The following PAK5 variants were observed in gnomAD, a reference collection of about 807,000 sequenced individuals.
PAK5 encodes p21 (RAC1) activated kinase 5, also known as serine/threonine-protein kinase PAK 5.
Under a neutral mutation model 65.9 loss-of-function variants are expected in PAK5, and 16 were observed. The observed-to-expected ratio is 0.24, with a 90% CI of 0.16 to 0.37. PAK5 has a LOEUF of 0.37. PAK5 is among the 10% of genes least tolerant of loss of function. The pLI, the probability that PAK5 is intolerant of heterozygous loss-of-function variation, is 1.00. For missense variants in PAK5, 785 were observed against 903.9 expected (o/e 0.87, Z 1.69); for synonymous variants, 371 against 354.9 (o/e 1.05, Z -0.51).
chr20:9,790,797 T>C (rs2049042521), intron 1 of PAK5, among the ~76,000 whole-genome samples: 1 of 152,064 alleles, frequency 6.6e-6, no homozygotes, highest in Admixed American at 6.6e-5. Flanking sequence ...CTGCACCCAG[T>C]TGAATTTGGT....
At chr20:9,749,293 A>G (rs1463928366) in intron 1 of PAK5, among the ~76,000 whole-genome samples, 4 of 152,160 alleles carry the variant, frequency 2.6e-5, no homozygotes, top group Non-Finnish European at 5.9e-5. Context: ...TCAGATAAAA[A>G]TATAACCTTC....
At chr20:9,721,428 A>G (rs2048211942) in intron 1 of PAK5, among the ~76,000 whole-genome samples, 1 of 151,996 alleles carries the variant, frequency 6.6e-6, no homozygotes. Context: ...TGGGCGGATC[A>G]GCTGAGGTCA....
intron 1 of PAK5, among the ~76,000 whole-genome samples, chr20:9,770,172 C>A (rs1022610809): frequency 2.0e-5 from 3 of 151,992 alleles, no homozygotes; most frequent in African/African-American, 7.3e-5. Flanking sequence ...CGGTCGACTT[C>A]CTAAGAGGAG....
chr20:9,815,599 G>T (rs187794227), intron 1 of PAK5, among the ~76,000 whole-genome samples: 1 of 152,084 alleles, frequency 6.6e-6, no homozygotes, highest in Admixed American at 6.6e-5. Context: ...TGGTCCCGTC[G>T]GTTATAATTC....
chr20:9,686,309 T>C (rs117721990), intron 2 of PAK5, among the ~76,000 whole-genome samples: 4 of 152,310 alleles, frequency 2.6e-5, no homozygotes, highest in East Asian at 1.9e-4. Flanking sequence ...GTTCAGTCAC[T>C]GGGAGGCACA....
chr20:9,752,083 A>G (rs2048583532), intron 1 of PAK5, among the ~76,000 whole-genome samples: 1 of 152,196 alleles, frequency 6.6e-6, no homozygotes, highest in Non-Finnish European at 1.5e-5. Flanking sequence ...TGAAGGAAGT[A>G]CACAAAGCTA....
chr20:9,695,621 AC>A (rs562210122), intron 2 of PAK5, among the ~76,000 whole-genome samples: 17 of 152,142 alleles, frequency 1.1e-4, no homozygotes, highest in Admixed American at 9.2e-4. Context: ...GGAGAAACTG[AC>A]CCAACAGCCA....
At chr20:9,593,024 G>T (rs1349689901) in intron 3 of PAK5, among the ~76,000 whole-genome samples, 1 of 152,162 alleles carries the variant, frequency 6.6e-6, no homozygotes, top group African/African-American at 2.4e-5. Flanking sequence ...GCAGGGCTGG[G>T]CACGGTGGCT....
intron 3 of PAK5, among the ~76,000 whole-genome samples, chr20:9,621,479 T>C (rs985631003): frequency 1.3e-5 from 2 of 150,868 alleles, no homozygotes; most frequent in Admixed American, 1.3e-4. Flanking sequence ...AAAAAGTCTC[T>C]TACATATTTC....
intron 1 of PAK5, among the ~76,000 whole-genome samples, chr20:9,715,463 G>A (rs369677067): frequency 2.0e-5 from 3 of 152,144 alleles, no homozygotes; most frequent in African/African-American, 4.8e-5. Context: ...GTAAACTAGT[G>A]CAACCATTGT....
At chr20:9,693,313 G>C (rs1002753147) in intron 2 of PAK5, among the ~76,000 whole-genome samples, 1 of 152,086 alleles carries the variant, frequency 6.6e-6, no homozygotes, top group African/African-American at 2.4e-5. Context: ...AAATGGCTTT[G>C]GCTTTTTATT....
chr20:9,733,323 T>C (rs1465374275), intron 1 of PAK5, among the ~76,000 whole-genome samples: 3 of 152,154 alleles, frequency 2.0e-5, no homozygotes, highest in Admixed American at 6.5e-5. Flanking sequence ...TATGTATACA[T>C]TGTGAATTAA....
intron 1 of PAK5, among the ~76,000 whole-genome samples, chr20:9,770,511 C>T (rs1749674840): frequency 6.6e-6 from 1 of 152,086 alleles, no homozygotes; most frequent in African/African-American, 2.4e-5. Flanking sequence ...AACGAGCCAG[C>T]ACAATGGTGT....
intron 3 of PAK5, among the ~76,000 whole-genome samples, chr20:9,604,124 T>C (rs1347195735): frequency 6.6e-6 from 1 of 152,156 alleles, no homozygotes; most frequent in East Asian, 1.9e-4. Context: ...TGAATGTGTG[T>C]TCCAAGCTAG....
At chr20:9,597,838 C>A (rs115982713) in intron 3 of PAK5, among the ~76,000 whole-genome samples, 110 of 152,316 alleles carry the variant, frequency 7.2e-4, no homozygotes, top group African/African-American at 2.2e-3. Context: ...GCTAGGCCAG[C>A]CAGCCTCTAG....
intron 2 of PAK5, among the ~76,000 whole-genome samples, chr20:9,657,394 T>A (rs1160609118): frequency 6.6e-6 from 1 of 152,142 alleles, no homozygotes; most frequent in African/African-American, 2.4e-5. Flanking sequence ...AACCACTCAC[T>A]CATTGAGGGA....
At chr20:9,797,573 C>G (rs1000731562) in intron 1 of PAK5, among the ~76,000 whole-genome samples, 23 of 150,928 alleles carry the variant, frequency 1.5e-4, no homozygotes, top group African/African-American at 5.6e-4. Flanking sequence ...TGCAGCACAC[C>G]AACACGGCAC....
At chr20:9,812,829 T>C (rs2179473) in intron 1 of PAK5, among the ~76,000 whole-genome samples, 100,998 of 151,494 alleles carry the variant, frequency 0.67, 33,906 homozygotes, top group East Asian at 0.77. Context: ...ATGTTCCTAA[T>C]GTAAAGAAAT....
intron 2 of PAK5, among the ~76,000 whole-genome samples, chr20:9,693,845 C>T (rs1396722425): frequency 6.6e-6 from 1 of 152,012 alleles, no homozygotes; most frequent in African/African-American, 2.4e-5. Context: ...TAAAATAATA[C>T]CTCTATCTAG....
Sources: allele counts gnomAD v4.1 joint callset (sites outside exome capture counted in the v4.1 genomes callset), GRCh38; gene constraint gnomAD v4.1.1; transcripts MANE v1.5; gene names NCBI Gene and HGNC (gene_info 2026-07-23, HGNC 2026-07-21).